GXYLT1: variants seen among roughly 807,000 people sequenced by gnomAD.
GXYLT1 encodes glucoside xylosyltransferase 1.
GXYLT1 carries 29 observed loss-of-function variants against 54.0 expected under a neutral mutation model. The ratio of observed to expected loss-of-function variants is 0.54; its 90% CI spans 0.40 to 0.73. The LOEUF (loss-of-function observed/expected upper bound fraction) is 0.73, where lower values mean the gene tolerates loss of function less well. Ranked by LOEUF, GXYLT1 falls within the 30% of genes least tolerant of loss-of-function variation. The probability of loss-of-function intolerance (pLI) is 0.00; values close to 1 mark genes in which losing one functional copy is unlikely to be tolerated. For synonymous variants in GXYLT1, 176 were observed against 204.1 expected (o/e 0.86, Z 1.17); for missense variants, 490 against 553.4 (o/e 0.89, Z 1.15).
intron 3 of GXYLT1, among the ~76,000 whole-genome samples, chr12:42,115,979 A>G (rs1457251075): frequency 6.6e-6 from 1 of 150,554 alleles, no homozygotes; most frequent in African/African-American, 2.4e-5. Context: ...AATGCCGCAT[A>G]TCTATAACTA....
chr12:42,090,114 G>GAA (rs67453452), intron 7 of GXYLT1, among the ~76,000 whole-genome samples: 3,815 of 150,958 alleles, frequency 0.025, 123 homozygotes, highest in African/African-American at 0.078. Flanking sequence ...TTCTTCACTG[G>GAA]AAAAAAAAAG....
At chr12:42,112,274 A>G in intron 3 of GXYLT1, among the ~76,000 whole-genome samples, 1 of 152,218 alleles carries the variant, frequency 6.6e-6, no homozygotes, top group Non-Finnish European at 1.5e-5. Context: ...CCTCACCAGC[A>G]ATGGAACAAA....
intron 3 of GXYLT1, among the ~76,000 whole-genome samples, chr12:42,117,029 C>CA (rs2065499936): frequency 7.0e-6 from 1 of 141,912 alleles, no homozygotes; most frequent in African/African-American, 2.6e-5. Context: ...ATCACAAGGA[C>CA]AAAAAACCAA....
At chr12:42,114,033 G>A (rs1388509047) in intron 3 of GXYLT1, among the ~76,000 whole-genome samples, 2 of 152,184 alleles carry the variant, frequency 1.3e-5, no homozygotes, top group Non-Finnish European at 2.9e-5. Context: ...ATGACTACTA[G>A]GTAAATAATG....
chr12:42,087,567 A>G lies in GXYLT1; in HGVS notation c.*219T>C, dbSNP rs1592097933. Reference sequence around the variant, plus strand: ...CAATACTGGAATGATAGCAAGTAACATTACAAAACATCAGAGATAAAAAAT... The same window carrying G: ...CAATACTGGAATGATAGCAAGTAACGTTACAAAACATCAGAGATAAAAAAT... On this transcript the variant is annotated 3_prime_UTR_variant, in exon 8 of 8. Transcript: ENST00000398675. 1.3e-5 allele frequency: 6 copies of G among 456,900 alleles called. No individual in the cohort carries two copies. The East Asian group carries it at 2.7e-4, about 20-fold the overall frequency. The allele number at this position is 456,900 out of a possible 1,614,324, so 28.3% of individuals were successfully genotyped here. A position where few individuals can be genotyped will look rare whatever the true frequency, so the allele number is the denominator to read the frequency against.
At position 42,085,360 on chromosome 12, in the gene GXYLT1, G is replaced by C. The variant is rs191072400; in HGVS notation, c.*2426C>G. 2 of 152,262 alleles carry C rather than the reference G, an allele frequency of 1.3e-5. No homozygotes were observed. The highest frequency in any genetic ancestry group is 1.3e-4 in the Admixed American group (2 of 15,298). The allele number at this position is 152,262 out of a possible 1,614,324, so 9.4% of individuals were successfully genotyped here. A position where few individuals can be genotyped will look rare whatever the true frequency, so the allele number is the denominator to read the frequency against. On this transcript the variant is annotated 3_prime_UTR_variant, in exon 8 of 8. Coordinates refer to ENST00000398675, the MANE Select transcript of GXYLT1 (RefSeq NM_173601.2). ...GAGACCACAGCATACAGTCCAGTTG[G>C]ATTAAACTGTGACCACGCTCTACAC...
intron 1 of GXYLT1, among the ~76,000 whole-genome samples, chr12:42,141,087 G>GT (rs1322011923): frequency 6.6e-6 from 1 of 152,136 alleles, no homozygotes; most frequent in Non-Finnish European, 1.5e-5. Flanking sequence ...CACCAATCAT[G>GT]TTATTCTGTC....
At chr12:42,110,253 C>G (rs2065445255) in intron 3 of GXYLT1, among the ~76,000 whole-genome samples, 1 of 152,084 alleles carries the variant, frequency 6.6e-6, no homozygotes, top group Non-Finnish European at 1.5e-5. Flanking sequence ...CTATGATGAA[C>G]ATGTTTACAC....
chr12:42,124,422 A>C (rs2136910586), intron 2 of GXYLT1, among the ~76,000 whole-genome samples: 1 of 152,272 alleles, frequency 6.6e-6, no homozygotes, highest in Admixed American at 6.5e-5. Context: ...TCAATGGCAA[A>C]ACCGAACATA....
chr12:42,094,529 C>T (rs917467325), intron 7 of GXYLT1, among the ~76,000 whole-genome samples: 3 of 150,846 alleles, frequency 2.0e-5, no homozygotes, highest in African/African-American at 2.4e-5. Context: ...TGTGGTGGCA[C>T]GTGCCTGTAG....
intron 2 of GXYLT1, among the ~76,000 whole-genome samples, chr12:42,124,704 T>C (rs1428431766): frequency 6.6e-6 from 1 of 152,242 alleles, no homozygotes; most frequent in East Asian, 1.9e-4. Flanking sequence ...TAATTCATTC[T>C]TTTTAAAAAA....
intron 3 of GXYLT1, among the ~76,000 whole-genome samples, chr12:42,112,886 G>T (rs1314104723): frequency 2.6e-5 from 4 of 151,166 alleles, no homozygotes; most frequent in African/African-American, 7.4e-5. Context: ...AGAGAGAAAG[G>T]TCGGGTTACC....
intron 2 of GXYLT1, among the ~76,000 whole-genome samples, chr12:42,121,088 C>T (rs1413281230): frequency 6.6e-6 from 1 of 152,170 alleles, no homozygotes; most frequent in Admixed American, 6.5e-5. Context: ...GCAATCAAGA[C>T]ATGACAATTT....
Position 42,093,346 on chromosome 12 carries a change from C to A in GXYLT1, c.1161+4096G>T, listed in dbSNP as rs550464500. Reference sequence around the variant, plus strand: ...GAACTCCTGACCTCAGGTGATCCGCCCGCCTCAGCCTCCCAAAGTGCTGAG... The same window carrying A: ...GAACTCCTGACCTCAGGTGATCCGCACGCCTCAGCCTCCCAAAGTGCTGAG... On this transcript the variant is annotated intron_variant, in intron 7 of 7. Coordinates refer to ENST00000398675, the MANE Select transcript of GXYLT1 (RefSeq NM_173601.2). 5.3e-5 allele frequency among the ~76,000 whole-genome samples: 8 copies of A among 152,062 alleles called. No homozygotes were observed. The East Asian group carries it at 1.6e-3, about 29-fold the overall frequency.
At chr12:42,104,235 T>C (rs1200165430) in intron 5 of GXYLT1, among the ~76,000 whole-genome samples, 1 of 147,532 alleles carries the variant, frequency 6.8e-6, no homozygotes, top group Non-Finnish European at 1.5e-5. Context: ...AAATTTCAAA[T>C]GCAGTTATTG....
intron 1 of GXYLT1, among the ~76,000 whole-genome samples, chr12:42,138,853 C>T (rs1211211045): frequency 6.6e-6 from 1 of 151,842 alleles, no homozygotes; most frequent in Non-Finnish European, 1.5e-5. Context: ...GGTGAAACCC[C>T]GTCTCTACTA....
In GXYLT1 at chr12:42,109,594, G is replaced by C; in HGVS notation, c.584C>G (p.Pro195Arg). Residue 195 changes from proline (P) to arginine (R), a missense_variant, in exon 4 of 8, where the codon CCA (proline) becomes CGA (arginine). Coordinates refer to ENST00000398675, the MANE Select transcript of GXYLT1 (RefSeq NM_173601.2). ...NAAEWKKLFKPCASQRLFLPL... is the reference protein window; with the variant it reads ...NAAEWKKLFKRCASQRLFLPL... ...CAAGAACAATCTCTGCGAAGCACAT[G>C]GTTTAAAGAGTTTTTTCCACTCTGC... 2.5e-6 allele frequency: 4 copies of C among 1,586,892 alleles called. No homozygotes were observed. The highest frequency in any genetic ancestry group is 3.4e-6 in the Non-Finnish European group (4 of 1,168,852).
At chr12:42,143,815 C>G (rs2065664599) in intron 1 of GXYLT1, among the ~76,000 whole-genome samples, 1 of 152,188 alleles carries the variant, frequency 6.6e-6, no homozygotes, top group African/African-American at 2.4e-5. Context: ...GACTTGAGCA[C>G]GCCAAGTATC....
At chr12:42,114,161 C>T (rs1026097195) in intron 3 of GXYLT1, among the ~76,000 whole-genome samples, 2 of 152,102 alleles carry the variant, frequency 1.3e-5, no homozygotes, top group Non-Finnish European at 2.9e-5. Flanking sequence ...CCACTAAATG[C>T]CCACAAGAGA....
Sources: gnomAD v4.1 joint callset for allele counts (sites outside exome capture counted in the v4.1 genomes callset) on GRCh38, gnomAD v4.1.1 for gene constraint, MANE v1.5 for transcripts, NCBI Gene and HGNC (gene_info 2026-07-23, HGNC 2026-07-21) for gene names.